The following NAA15 variants were observed in gnomAD, a reference collection of about 807,000 sequenced individuals.
NAA15 encodes N-terminal acetyltransferase.
Under a neutral mutation model 114.0 loss-of-function variants are expected in NAA15, and 34 were observed. The ratio of observed to expected loss-of-function variants is 0.30; its 90% confidence interval spans 0.23 to 0.40. The LOEUF (loss-of-function observed/expected upper bound fraction) is 0.40, where lower values mean the gene tolerates loss of function less well. NAA15 is among the 10% of genes least tolerant of loss of function. The probability of loss-of-function intolerance (pLI) is 1.00; values close to 1 mark genes in which losing one functional copy is unlikely to be tolerated. For missense variants in NAA15, 658 were observed against 1,004.5 expected (o/e 0.66, Z 4.66); for synonymous variants, 340 against 338.0 (o/e 1.01, Z -0.06).
Position 139,301,730 on chromosome 4 carries a change from G to C in NAA15, c.-48G>C, listed in dbSNP as rs1180051908. On this transcript the variant is annotated 5_prime_UTR_variant, in exon 1 of 20. Coordinates refer to ENST00000296543, the MANE Select transcript of NAA15 (RefSeq NM_057175.5). ...GGCAGCGGCGGCGGTCGGACAAACT[G>C]ACTGACCGAGCCGGGTGGTGGCGGG... 1 of 1,536,654 alleles carries C rather than the reference G, an allele frequency of 6.5e-7. No homozygotes were observed. The highest frequency in any genetic ancestry group is 8.8e-7 in the Non-Finnish European group (1 of 1,136,448).
chr4:139,379,341 ATTAGTT>A (rs1336158726), intron 17 of NAA15: 1 of 152,296 alleles, frequency 6.6e-6, no homozygotes, highest in African/African-American at 2.4e-5. Context: ...TCAGTTTTAT[ATTAGTT>A]TTAATGTAAA....
At chr4:139,385,581 A>C (rs1225039389) in intron 18 of NAA15, among the ~76,000 whole-genome samples, 1 of 152,112 alleles carries the variant, frequency 6.6e-6, no homozygotes, top group East Asian at 1.9e-4. Context: ...ACCTGAAATT[A>C]TCTTCACAGT....
At chr4:139,329,818 C>G (rs1746940167) in intron 1 of NAA15, among the ~76,000 whole-genome samples, 1 of 152,168 alleles carries the variant, frequency 6.6e-6, no homozygotes, top group Non-Finnish European at 1.5e-5. Flanking sequence ...GGTTTCATCT[C>G]TTGCAGAGTG....
intron 1 of NAA15, among the ~76,000 whole-genome samples, chr4:139,307,912 T>C (rs930254074): frequency 6.6e-6 from 1 of 151,972 alleles, no homozygotes; most frequent in Non-Finnish European, 1.5e-5. Flanking sequence ...GGCAAAGGAG[T>C]AGTAATACTT....
At chr4:139,376,700 T>C (rs1748591240) in intron 16 of NAA15, among the ~76,000 whole-genome samples, 1 of 152,198 alleles carries the variant, frequency 6.6e-6, no homozygotes, top group Non-Finnish European at 1.5e-5. Context: ...ATAACTAGGA[T>C]TCAGGTCAGA....
chr4:139,389,752 C>T lies in NAA15; in HGVS notation c.*1668C>T, dbSNP rs1749001868. On this transcript the variant is annotated 3_prime_UTR_variant, in exon 20 of 20. Transcript: ENST00000296543. ...GAACATGTAGTTTATAGAAAGTATA[C>T]TCTAAAGGGAATTTGCCGAAGACCT... The T allele has an allele frequency of 6.6e-6, 1 of 152,590 alleles. No individual in the cohort carries two copies. Among genetic ancestry groups the T allele is most frequent in the Admixed American group, 6.5e-5 (1 of 15,270 alleles). The allele number at this position is 152,590 out of a possible 1,614,324, so 9.5% of individuals were successfully genotyped here.
Position 139,319,011 on chromosome 4 carries a change from G to A in NAA15, c.55-15163G>A, listed in dbSNP as rs549398368. Among the ~76,000 whole-genome samples, 4 of 152,136 alleles carry A rather than the reference G, an allele frequency of 2.6e-5. No homozygotes were observed. In the South Asian group the frequency reaches 8.3e-4, roughly 32 times the overall value. The stretch of plus-strand genomic sequence containing the variant: ...ATATCTAAAAACATTTTTGTAGGCC[G>A]GGTGCTGTGGCTTACGCCTGTCATC... On this transcript the variant is annotated intron_variant, in intron 1 of 19. Transcript: ENST00000296543.
chr4:139,359,593 A>G, intron 11 of NAA15, 150 bp from the exon 12 acceptor site: 1 of 637,260 alleles, frequency 1.6e-6, no homozygotes, highest in Non-Finnish European at 2.5e-6. Context: ...ATTATGGAAG[A>G]ATGCATTTCT....
intron 1 of NAA15, among the ~76,000 whole-genome samples, chr4:139,329,610 C>T (rs1007809610): frequency 2.6e-5 from 4 of 152,106 alleles, no homozygotes; most frequent in Non-Finnish European, 5.9e-5. Flanking sequence ...TACAGCTGTT[C>T]GTTGACACTC....
At chr4:139,380,513 C>A (rs973874379) in intron 17 of NAA15, among the ~76,000 whole-genome samples, 1 of 152,060 alleles carries the variant, frequency 6.6e-6, no homozygotes, top group Non-Finnish European at 1.5e-5. Flanking sequence ...AATGTATTTG[C>A]TTATAATCAG....
At chr4:139,352,694 T>C (rs1319119500) in intron 9 of NAA15, among the ~76,000 whole-genome samples, 1 of 127,466 alleles carries the variant, frequency 7.8e-6, no homozygotes, top group Non-Finnish European at 1.6e-5. Flanking sequence ...TGAGACGGAG[T>C]TTCACTCTTG....
chr4:139,358,330 G>A (rs1390153796), intron 11 of NAA15, among the ~76,000 whole-genome samples: 1 of 151,364 alleles, frequency 6.6e-6, no homozygotes, highest in East Asian at 1.9e-4. Flanking sequence ...GTGGTAGCTG[G>A]GATTATAGGC....
chr4:139,351,214 A>G lies in NAA15; in HGVS notation c.835A>G (p.Ile279Val). The change falls in exon 8 of 20, where the codon ATT (isoleucine) becomes GTT (valine). Residue 279 changes from isoleucine to valine, a missense_variant. This residue lies in a region of NAA15 where 281 missense variants were observed against 389.1 expected (regional missense o/e 0.72). Coordinates refer to ENST00000296543, the MANE Select transcript of NAA15 (RefSeq NM_057175.5). The part of the protein sequence containing the change: ...KPANMLERLK[I>V]YEEAWTKYPR... The stretch of plus-strand genomic sequence containing the variant: ...AGCTAATATGTTAGAACGGCTAAAA[A>G]TTTATGAGGAAGCCTGGACTAAATA... 2.5e-6 allele frequency: 4 copies of G among 1,600,982 alleles called. No individual in the cohort carries two copies. The highest frequency in any genetic ancestry group is 1.7e-5 in the Admixed American group (1 of 59,482).
At chr4:139,321,777 C>G (rs2110865601) in intron 1 of NAA15, among the ~76,000 whole-genome samples, 1 of 152,116 alleles carries the variant, frequency 6.6e-6, no homozygotes, top group Middle Eastern at 3.4e-3. Context: ...GCCACCGTGC[C>G]TGGCCCCCTC....
chr4:139,321,618 C>G (rs1466361582), intron 1 of NAA15, among the ~76,000 whole-genome samples: 2 of 150,744 alleles, frequency 1.3e-5, no homozygotes, highest in Non-Finnish European at 3.0e-5. Context: ...ACTACAGGCA[C>G]CCGCCACCAC....
intron 13 of NAA15, 104 bp from the exon 14 acceptor site, chr4:139,361,620 A>G (rs911177157): frequency 4.5e-6 from 3 of 665,108 alleles, no homozygotes; most frequent in South Asian, 2.4e-5. Context: ...AAATTTTACT[A>G]GTTTTTTTCA....
At chr4:139,374,724 G>A (rs763554438) in intron 15 of NAA15, among the ~76,000 whole-genome samples, 2 of 148,998 alleles carry the variant, frequency 1.3e-5, no homozygotes, top group Non-Finnish European at 3.0e-5. Context: ...GGTTATCTAC[G>A]TATATTTAAA....
At chr4:139,323,007 C>T (rs1009325089) in intron 1 of NAA15, among the ~76,000 whole-genome samples, 11 of 150,430 alleles carry the variant, frequency 7.3e-5, no homozygotes, top group Non-Finnish European at 1.2e-4. Context: ...TAGTATTTGA[C>T]GGAGGATGGA....
chr4:139,384,039 C>A (rs1276074592), intron 17 of NAA15, among the ~76,000 whole-genome samples: 2 of 152,186 alleles, frequency 1.3e-5, no homozygotes, highest in Non-Finnish European at 2.9e-5. Flanking sequence ...GTTGAGGGGG[C>A]AGCTCTAGGG....
Sources: allele counts gnomAD v4.1 joint callset (sites outside exome capture counted in the v4.1 genomes callset), GRCh38; gene constraint gnomAD v4.1.1; regional missense constraint gnomAD v4.1.1; transcripts MANE v1.5; gene names NCBI Gene and HGNC (gene_info 2026-07-23, HGNC 2026-07-21).